IGF2R: variants seen among roughly 807,000 people sequenced by gnomAD.
IGF2R encodes the protein insulin like growth factor 2 receptor.
In IGF2R, 91 loss-of-function variants were observed where a neutral mutation model predicts 270.6. The observed-to-expected ratio is 0.34, with a 90% CI of 0.28 to 0.40. The LOEUF (loss-of-function observed/expected upper bound fraction) is 0.40. IGF2R is among the 10% of genes least tolerant of loss of function. The probability of loss-of-function intolerance (pLI) is 1.00; values close to 1 mark genes in which losing one functional copy is unlikely to be tolerated. For missense variants in IGF2R, 2,805 were observed against 3,188.3 expected (o/e 0.88, Z 2.90); for synonymous variants, 1,316 against 1,258.9 (o/e 1.05, Z -0.96).
chr6:159,989,415 T>G (rs1463274547), intron 1 of IGF2R, among the ~76,000 whole-genome samples: 1 of 152,090 alleles, frequency 6.6e-6, no homozygotes, highest in Non-Finnish European at 1.5e-5. Flanking sequence ...AGGGAGTGCT[T>G]CTGTCGTCAA....
At position 160,050,530 on chromosome 6, in the gene IGF2R, G is replaced by A. The variant is rs1034699470; in HGVS notation, c.2572G>A (p.Val858Met). ...CTTGGGAATGGCAAAGACCGGCCCGGTGGTTGAGGACAGCGGCAGCCTCCT... is the reference window on the plus strand; with the variant it reads ...CTTGGGAATGGCAAAGACCGGCCCGATGGTTGAGGACAGCGGCAGCCTCCT... ...SNLGMAKTGP[V>M]VEDSGSLLLE... The change falls in exon 19 of 48, where the codon GTG (valine) becomes ATG (methionine). Residue 858 changes from valine (V) to methionine (M), a missense_variant. Transcript: ENST00000356956. This position sits in a 1 kb window ranked among gnomAD's most constrained non-coding sequence, Gnocchi z 4.0. The A allele has an allele frequency of 3.1e-6, 5 of 1,614,024 alleles. No individual in the cohort carries two copies. In the African/African-American group the frequency reaches 5.3e-5, roughly 17 times the overall value.
At chr6:160,090,618 T>TA (rs1779199488) in intron 44 of IGF2R, among the ~76,000 whole-genome samples, 2 of 152,274 alleles carry the variant, frequency 1.3e-5, no homozygotes, top group Admixed American at 1.3e-4. Flanking sequence ...TTGCCCTTTG[T>TA]TCCCTCACAT....
At chr6:159,980,954 A>C (rs1783790805) in intron 1 of IGF2R, among the ~76,000 whole-genome samples, 1 of 152,228 alleles carries the variant, frequency 6.6e-6, no homozygotes, top group African/African-American at 2.4e-5. Flanking sequence ...GAAGAAAATC[A>C]TCACGGAGCA....
chr6:160,071,284 T>TC (rs59531535), intron 31 of IGF2R, among the ~76,000 whole-genome samples: 26,993 of 86,592 alleles, frequency 0.31, 3,901 homozygotes, highest in African/African-American at 0.45. Flanking sequence ...GAGGGAAGGG[T>TC]GGGGGTGTGT....
chr6:160,065,436 C>T (rs377555455), intron 29 of IGF2R, among the ~76,000 whole-genome samples: 45 of 152,204 alleles, frequency 3.0e-4, no homozygotes, highest in South Asian at 2.1e-3. Context: ...TGTTTCCTTC[C>T]GGCCTTTGTC....
intron 41 of IGF2R, among the ~76,000 whole-genome samples, chr6:160,085,605 T>C (rs938197019): frequency 1.3e-5 from 2 of 152,238 alleles, no homozygotes; most frequent in Admixed American, 1.3e-4. Context: ...GAAAGTTGTT[T>C]TCTTTCATTA....
In IGF2R at chr6:160,088,013, C is replaced by A. The variant is rs779956526; in HGVS notation, c.6206-20C>A. On this transcript the variant is annotated intron_variant, in intron 41 of 47. Coordinates refer to ENST00000356956, the MANE Select transcript of IGF2R (RefSeq NM_000876.4). The stretch of plus-strand genomic sequence containing the variant: ...TAATGCACTAGAAATAATGTCAGTT[C>A]AATCATTTGTGTGTTTCAGGTGACA... 8 of 1,463,896 alleles carry A rather than the reference C, an allele frequency of 5.5e-6. No homozygotes were observed. Among genetic ancestry groups the A allele is most frequent in the Non-Finnish European group, 7.7e-6 (8 of 1,043,080 alleles). The allele number at this position is 1,463,896 out of a possible 1,614,324, so 90.7% of individuals were successfully genotyped here. A position where few individuals can be genotyped will look rare whatever the true frequency, so the allele number is the denominator to read the frequency against.
intron 2 of IGF2R, among the ~76,000 whole-genome samples, chr6:160,000,545 T>C (rs1322058194): frequency 6.6e-6 from 1 of 152,090 alleles, no homozygotes; most frequent in East Asian, 1.9e-4. Context: ...CATCACCAGG[T>C]ATAAATGCAA....
intron 1 of IGF2R, among the ~76,000 whole-genome samples, chr6:159,989,425 A>T (rs6942187): frequency 6.6e-6 from 1 of 152,114 alleles, no homozygotes; most frequent in African/African-American, 2.4e-5. Flanking sequence ...TCTGTCGTCA[A>T]GGGAGTACTG....
chr6:159,993,162 A>T (rs112115529), intron 2 of IGF2R, among the ~76,000 whole-genome samples: 1,544 of 152,270 alleles, frequency 0.01, 26 homozygotes, highest in African/African-American at 0.036. Context: ...CCTTTGTCAG[A>T]TGCACAGTTT....
intron 16 of IGF2R, 80 bp downstream of exon 16, chr6:160,047,416 T>G (rs1447811332): frequency 1.6e-6 from 2 of 1,248,766 alleles, no homozygotes; most frequent in Non-Finnish European, 1.1e-6. Context: ...AGAGCTTGTA[T>G]CAGTCTGGGT....
chr6:160,080,234 C>A lies in IGF2R; in HGVS notation c.5792C>A (p.Ala1931Glu). The A allele has an allele frequency of 6.2e-7, 1 of 1,614,152 alleles. No homozygotes were observed. The highest frequency in any genetic ancestry group is 1.3e-5 in the African/African-American group (1 of 75,058). The change falls in exon 39 of 48, where the codon GCG becomes GAG. Residue 1931 changes from alanine (A) to glutamate (E), a missense_variant. Physicochemically the swap from Ala to Glu is moderately radical, Grantham distance 107. Transcript: ENST00000356956. ...SRAKLWCSTT[A>E]DYDRDHEWGF... ...GCGAAGCTGTGGTGTAGCACAACTG[C>A]GGACTACGACAGAGACCACGAGTGG...
chr6:160,009,713 C>G (rs1201381390), intron 3 of IGF2R, among the ~76,000 whole-genome samples: 1 of 152,104 alleles, frequency 6.6e-6, no homozygotes, highest in Non-Finnish European at 1.5e-5. Flanking sequence ...AAGGAACTTG[C>G]AGTAAATAAT....
rs1444496810 is a variant in IGF2R, at chr6:159,969,337, C to T, written c.91C>T (p.Leu31Phe). 2.7e-5 allele frequency: 35 copies of T among 1,314,288 alleles called. No individual in the cohort carries two copies. The highest frequency in any genetic ancestry group is 3.4e-5 in the Non-Finnish European group (35 of 1,027,514). 81.4% of individuals were successfully genotyped at this position (1,314,288 alleles called of 1,614,324 possible). The change falls in exon 1 of 48, where the codon CTC (leucine) becomes TTC (phenylalanine). Residue 31 changes from leucine to phenylalanine, a missense_variant. This residue lies in a region of IGF2R where 954 missense variants were observed against 981.1 expected (regional missense o/e 0.97). Transcript: ENST00000356956. ...TCTGCTCCTGCTGCAGCTGCTGCTGCTCGTCGCTGCCCCGGGGTCCACGCA... is the reference window on the plus strand; with the variant it reads ...TCTGCTCCTGCTGCAGCTGCTGCTGTTCGTCGCTGCCCCGGGGTCCACGCA... Reference protein sequence around the residue: ...RSLLLLQLLLLVAAPGSTQAQ... With the variant: ...RSLLLLQLLLFVAAPGSTQAQ...
At chr6:160,036,123 A>G (rs979826724) in intron 10 of IGF2R, among the ~76,000 whole-genome samples, 1 of 152,178 alleles carries the variant, frequency 6.6e-6, no homozygotes, top group African/African-American at 2.4e-5. Context: ...GAGCTGGATT[A>G]TATCTGGAAA....
In IGF2R at chr6:160,046,627, C is replaced by G. The variant is rs201536836; in HGVS notation, c.2033C>G (p.Ala678Gly). Residue 678 changes from alanine (A) to glycine (G), a missense_variant, in exon 15 of 48, where the codon GCC becomes GGC. Ala to Gly is a moderately conservative substitution (Grantham distance 60, BLOSUM62 0). This residue lies in a region of IGF2R where 954 missense variants were observed against 981.1 expected (regional missense o/e 0.97). Coordinates refer to ENST00000356956, the MANE Select transcript of IGF2R (RefSeq NM_000876.4). Reference sequence around the variant, plus strand: ...AGCCCCTGTCAGCCAGACTCAGGAGCCTGCCAGGTGGCAAAAAGGCAAGTA... The same window carrying G: ...AGCCCCTGTCAGCCAGACTCAGGAGGCTGCCAGGTGGCAAAAAGGCAAGTA... ...SVSPCQPDSG[A>G]CQVAKSDEKT... 4 of 1,611,678 alleles carry G rather than the reference C, an allele frequency of 2.5e-6. No individual in the cohort carries two copies. Among genetic ancestry groups the G allele is most frequent in the African/African-American group, 1.3e-5 (1 of 74,732 alleles).
At position 160,085,852 on chromosome 6, in the gene IGF2R, G is replaced by A. The variant is rs185428938; in HGVS notation, c.6205+721G>A. The stretch of plus-strand genomic sequence containing the variant: ...ACACACAGACTCTGCAGGTTGGTAG[G>A]TGGAGGGAGAGCTGCCATACAGGAA... On this transcript the variant is annotated intron_variant, in intron 41 of 47. Coordinates refer to ENST00000356956, the MANE Select transcript of IGF2R (RefSeq NM_000876.4). Among the ~76,000 whole-genome samples the A allele has an allele frequency of 4.7e-3, 715 of 152,306 alleles. 4 individuals are homozygous for A. Among genetic ancestry groups the A allele is most frequent in the African/African-American group, 0.015 (641 of 41,564 alleles).
Position 160,036,873 on chromosome 6 carries a change from T to A in IGF2R, c.1315+2351T>A, listed in dbSNP as rs147695556. On this transcript the variant is annotated intron_variant, in intron 10 of 47. Coordinates refer to ENST00000356956, the MANE Select transcript of IGF2R (RefSeq NM_000876.4). ...TGGGTTTGGTTCCCAGCTGCCCTAGTTTTTAGTTATGAAATCATGGGCCCA... is the reference window on the plus strand; with the variant it reads ...TGGGTTTGGTTCCCAGCTGCCCTAGATTTTAGTTATGAAATCATGGGCCCA... Among the ~76,000 whole-genome samples the A allele has an allele frequency of 3.1e-3, 467 of 152,228 alleles. 3 individuals are homozygous for A. The highest frequency in any genetic ancestry group is 0.011 in the African/African-American group (453 of 41,540).
Position 160,056,513 on chromosome 6 carries a change from G to A in IGF2R, c.2784G>A (p.Thr928=), listed in dbSNP as rs1350267777. 5.0e-6 allele frequency: 8 copies of A among 1,610,310 alleles called. No homozygotes were observed. The highest frequency in any genetic ancestry group is 1.6e-4 in the Middle Eastern group (1 of 6,070). The part of the protein sequence containing the change: ...TEAACPIQTT[T]DTDQACSIRD... ...CTGCCTGTCCCATTCAGACAACGAC[G>A]GATACAGACCAGGTACGTGTGCTTT... Residue 928 remains threonine (T), a synonymous_variant, in exon 20 of 48, where the codon ACG becomes ACA. Coordinates refer to ENST00000356956, the MANE Select transcript of IGF2R (RefSeq NM_000876.4).
Sources: allele counts gnomAD v4.1 joint callset (sites outside exome capture counted in the v4.1 genomes callset), GRCh38; gene constraint gnomAD v4.1.1; regional missense constraint gnomAD v4.1.1; non-coding constraint Gnocchi (gnomAD v3.1); transcripts MANE v1.5; gene names NCBI Gene and HGNC (gene_info 2026-07-23, HGNC 2026-07-21).